CHST11: variants seen among roughly 807,000 people sequenced by gnomAD.
CHST11 encodes the protein C4S-1.
CHST11 carries 9 observed loss-of-function variants against 30.4 expected under a neutral mutation model. That is an observed-to-expected ratio of 0.30 (90% confidence interval 0.18 to 0.52). The LOEUF (loss-of-function observed/expected upper bound fraction) is 0.52. CHST11 is among the 20% of genes least tolerant of loss of function. CHST11 has a pLI of 0.97. For synonymous variants in CHST11, 152 were observed against 187.8 expected, an observed-to-expected ratio of 0.81 and a Z score of 1.56; for missense variants, 348 against 460.6, an observed-to-expected ratio of 0.76 and a Z score of 2.24.
chr12:104,572,077 G>C, intron 1 of CHST11, among the ~76,000 whole-genome samples: 1 of 152,258 alleles, frequency 6.6e-6, no homozygotes, highest in African/African-American at 2.4e-5. Flanking sequence ...CTTGATCATG[G>C]TGGATAAGCT....
chr12:104,719,360 T>G (rs1187090313), intron 2 of CHST11, among the ~76,000 whole-genome samples: 1 of 152,156 alleles, frequency 6.6e-6, no homozygotes, highest in Non-Finnish European at 1.5e-5. Flanking sequence ...TCATGTTCTT[T>G]CCCATCAATT....
At chr12:104,525,788 G>A (rs757474548) in intron 1 of CHST11, among the ~76,000 whole-genome samples, 1 of 152,150 alleles carries the variant, frequency 6.6e-6, no homozygotes, top group African/African-American at 2.4e-5. Flanking sequence ...GATATGTGAT[G>A]CCTTTTGGTA....
chr12:104,495,310 C>T (rs2037788983), intron 1 of CHST11, among the ~76,000 whole-genome samples: 1 of 152,104 alleles, frequency 6.6e-6, no homozygotes, highest in South Asian at 2.1e-4. Flanking sequence ...CGGAATCCTG[C>T]TTTCAATTCT....
At chr12:104,687,781 C>A (rs1024450309) in intron 2 of CHST11, among the ~76,000 whole-genome samples, 2 of 152,272 alleles carry the variant, frequency 1.3e-5, no homozygotes, top group East Asian at 3.9e-4. Context: ...CCCCCGCCCC[C>A]CCCAAAATTT....
At chr12:104,540,017 C>T (rs2038272207) in intron 1 of CHST11, among the ~76,000 whole-genome samples, 1 of 152,144 alleles carries the variant, frequency 6.6e-6, no homozygotes, top group African/African-American at 2.4e-5. Context: ...ACCTATGTGC[C>T]TCCTCCCATA....
intron 1 of CHST11, among the ~76,000 whole-genome samples, chr12:104,530,131 C>A (rs536950725): frequency 1.3e-5 from 2 of 152,154 alleles, no homozygotes; most frequent in South Asian, 4.1e-4. Context: ...TATAGTTGAG[C>A]CTGGGAGACA....
chr12:104,532,821 C>T (rs1565977359), intron 1 of CHST11, among the ~76,000 whole-genome samples: 1 of 152,154 alleles, frequency 6.6e-6, no homozygotes, highest in East Asian at 1.9e-4. Context: ...AGTTCCCCTC[C>T]CCACCCCAGA....
intron 1 of CHST11, among the ~76,000 whole-genome samples, chr12:104,501,420 C>G (rs185518970): frequency 6.6e-6 from 1 of 152,180 alleles, no homozygotes; most frequent in Non-Finnish European, 1.5e-5. Flanking sequence ...TGGGGAGGCA[C>G]CAAACCTGAA....
chr12:104,687,669 C>T (rs1443230283), intron 2 of CHST11, among the ~76,000 whole-genome samples: 5 of 152,242 alleles, frequency 3.3e-5, no homozygotes, highest in East Asian at 1.9e-4. Context: ...GGAGGTACTA[C>T]GAGTTGAAAT....
intron 1 of CHST11, among the ~76,000 whole-genome samples, chr12:104,531,688 ATCCCTTGC>A (rs2038186691): frequency 6.6e-6 from 1 of 152,040 alleles, no homozygotes; most frequent in Non-Finnish European, 1.5e-5. Context: ...GGCCCATAGT[ATCCCTTGC>A]TAGGACTGGT....
At chr12:104,634,686 T>G (rs2039306290) in intron 2 of CHST11, among the ~76,000 whole-genome samples, 1 of 152,196 alleles carries the variant, frequency 6.6e-6, no homozygotes, top group Non-Finnish European at 1.5e-5. Context: ...CTGAGGCACC[T>G]CTTCTAGGTG....
intron 2 of CHST11, among the ~76,000 whole-genome samples, chr12:104,711,181 C>T (rs2040084979): frequency 6.6e-6 from 1 of 152,162 alleles, no homozygotes; most frequent in African/African-American, 2.4e-5. Context: ...GAGCACATTT[C>T]CTGAGATGCC....
chr12:104,503,177 G>A (rs755231751), intron 1 of CHST11, among the ~76,000 whole-genome samples: 1 of 152,232 alleles, frequency 6.6e-6, no homozygotes, highest in Non-Finnish European at 1.5e-5. Context: ...GCGCGACATT[G>A]CCTGTCTCTA....
chr12:104,757,618 C>A lies in CHST11; in HGVS notation c.874C>A (p.Leu292Met). Reference sequence around the variant, plus strand: ...AGAGGATTCTAATTACGTCCTGCAGCTGGCAGGAGTGGGCAGCTACCTGAA... The same window carrying A: ...AGAGGATTCTAATTACGTCCTGCAGATGGCAGGAGTGGGCAGCTACCTGAA... The part of the protein sequence containing the change: ...LEEDSNYVLQ[L>M]AGVGSYLKFP... Residue 292 changes from leucine to methionine, a missense_variant, in exon 3 of 3, where the codon CTG becomes ATG. Transcript: ENST00000303694. The surrounding 1 kb of genome is among the most constrained non-coding windows in gnomAD (Gnocchi z 6.5). The A allele has an allele frequency of 1.9e-6, 3 of 1,614,140 alleles. No individual in the cohort carries two copies.
chr12:104,742,668 T>A (rs1420296708), intron 2 of CHST11, among the ~76,000 whole-genome samples: 1 of 152,144 alleles, frequency 6.6e-6, no homozygotes. Context: ...ACAGCTGATC[T>A]GAGATGTCAA....
chr12:104,612,040 G>A (rs968195533), intron 2 of CHST11, among the ~76,000 whole-genome samples: 7 of 152,162 alleles, frequency 4.6e-5, no homozygotes, highest in South Asian at 2.1e-4. Context: ...AATTCCTTCC[G>A]CTCCTACCTC....
chr12:104,636,561 C>A (rs930856961), intron 2 of CHST11, among the ~76,000 whole-genome samples: 1 of 152,154 alleles, frequency 6.6e-6, no homozygotes, highest in Non-Finnish European at 1.5e-5. Context: ...CCTTTTATTT[C>A]CCCTTGATTT....
intron 1 of CHST11, among the ~76,000 whole-genome samples, chr12:104,594,186 C>T (rs1345163437): frequency 1.3e-5 from 2 of 152,130 alleles, no homozygotes; most frequent in East Asian, 1.9e-4. Flanking sequence ...CTTGGCCAGG[C>T]CCAGGTGTGA....
intron 1 of CHST11, among the ~76,000 whole-genome samples, chr12:104,523,680 G>A (rs566662202): frequency 9.2e-5 from 14 of 152,260 alleles, no homozygotes; most frequent in East Asian, 1.9e-4. Context: ...TTGTAAAACC[G>A]CAGAGCAGCC....
Sources: allele counts gnomAD v4.1 joint callset (sites outside exome capture counted in the v4.1 genomes callset), GRCh38; gene constraint gnomAD v4.1.1; non-coding constraint Gnocchi (gnomAD v3.1); transcripts MANE v1.5; gene names NCBI Gene and HGNC (gene_info 2026-07-23, HGNC 2026-07-21).